PTPRM: variants seen among roughly 807,000 people sequenced by gnomAD.
PTPRM encodes the protein protein tyrosine phosphatase receptor type M, also known as receptor-type tyrosine-protein phosphatase mu.
PTPRM carries 47 observed loss-of-function variants against 186.7 expected under a neutral mutation model. That is an observed-to-expected ratio of 0.25 (90% CI 0.20 to 0.32). The LOEUF (loss-of-function observed/expected upper bound fraction) is 0.32, where lower values mean the gene tolerates loss of function less well. Ranked by LOEUF, PTPRM falls within the 10% of genes least tolerant of loss-of-function variation. The pLI is 1.00. For missense variants in PTPRM, 1,494 were observed against 1,865.0 expected, an observed-to-expected ratio of 0.80 and a Z score of 3.66; for synonymous variants, 668 against 674.9, an observed-to-expected ratio of 0.99 and a Z score of 0.16.
At chr18:8,387,463 G>A (rs8091394) in intron 31 of PTPRM, among the ~76,000 whole-genome samples, 13 of 149,742 alleles carry the variant, frequency 8.7e-5, no homozygotes, top group South Asian at 4.2e-4. Context: ...AGCACTGACC[G>A]TTTCATTAGG....
intron 13 of PTPRM, among the ~76,000 whole-genome samples, chr18:8,115,355 ACT>A (rs1293933217): frequency 6.6e-6 from 1 of 152,072 alleles, no homozygotes; most frequent in East Asian, 1.9e-4. Context: ...CCTGGTTAAA[ACT>A]CTCTGAGAGA....
At chr18:8,393,412 C>T (rs975984538) in intron 31 of PTPRM, among the ~76,000 whole-genome samples, 1 of 152,186 alleles carries the variant, frequency 6.6e-6, no homozygotes, top group South Asian at 2.1e-4. Context: ...TCTTTATATT[C>T]TACAAATCAC....
chr18:7,946,347 G>T (rs2097212017), intron 5 of PTPRM, among the ~76,000 whole-genome samples: 1 of 152,184 alleles, frequency 6.6e-6, no homozygotes, highest in South Asian at 2.1e-4. Flanking sequence ...CAAGTAAATA[G>T]ATAAATAAAT....
intron 32 of PTPRM, among the ~76,000 whole-genome samples, chr18:8,401,649 G>A (rs1053488818): frequency 6.6e-6 from 1 of 152,194 alleles, no homozygotes; most frequent in Non-Finnish European, 1.5e-5. Context: ...AAGTGCCCAC[G>A]CTGGCCGCCA....
chr18:8,380,504 C>T lies in PTPRM; in HGVS notation c.3918+77C>T, dbSNP rs1443031417. The T allele has an allele frequency of 7.8e-6, 12 of 1,548,184 alleles. No individual in the cohort carries two copies. The African/African-American group carries it at 9.5e-5, about 12-fold the overall frequency. On this transcript the variant is annotated intron_variant, in intron 29 of 32. Transcript: ENST00000580170. Reference sequence around the variant, plus strand: ...TTTTTACACTGAGTTTGTTTGCACCCGAGAAGTGCAGGCCCTAGTGCCAGA... The same window carrying T: ...TTTTTACACTGAGTTTGTTTGCACCTGAGAAGTGCAGGCCCTAGTGCCAGA...
At chr18:7,727,472 T>G (rs2040573639) in intron 1 of PTPRM, among the ~76,000 whole-genome samples, 1 of 152,238 alleles carries the variant, frequency 6.6e-6, no homozygotes, top group African/African-American at 2.4e-5. Flanking sequence ...AAATTTTTGC[T>G]TAGTTGTGCA....
intron 23 of PTPRM, among the ~76,000 whole-genome samples, chr18:8,365,192 C>G (rs551468971): frequency 6.6e-6 from 1 of 152,336 alleles, no homozygotes; most frequent in East Asian, 1.9e-4. Context: ...CCAAAGGGCC[C>G]TGTAGCTGGA....
chr18:7,628,600 A>G (rs766115195), intron 1 of PTPRM, among the ~76,000 whole-genome samples: 2 of 152,238 alleles, frequency 1.3e-5, no homozygotes, highest in Non-Finnish European at 2.9e-5. Flanking sequence ...AAGGAAAACT[A>G]AGCTTGAATT....
intron 22 of PTPRM, among the ~76,000 whole-genome samples, chr18:8,331,894 TAGC>T (rs1326949569): frequency 6.6e-6 from 1 of 152,236 alleles, no homozygotes; most frequent in Non-Finnish European, 1.5e-5. Flanking sequence ...GCAGCCTTGA[TAGC>T]AGCGCCAGCT....
intron 2 of PTPRM, among the ~76,000 whole-genome samples, chr18:7,809,444 G>A (rs532525817): frequency 3.3e-5 from 5 of 152,002 alleles, no homozygotes; most frequent in South Asian, 2.1e-4. Flanking sequence ...TGCTGGGACC[G>A]CTCTTCTCCC....
At position 8,377,980 on chromosome 18, in the gene PTPRM, A is replaced by G. The variant is rs117151896; in HGVS notation, c.3463-285A>G. 6.1e-5 allele frequency: 17 copies of G among 277,690 alleles called. No homozygotes were observed. In the East Asian group the frequency reaches 1.0e-3, roughly 17 times the overall value. The allele number at this position is 277,690 out of a possible 1,614,324, so 17.2% of individuals were successfully genotyped here. The stretch of plus-strand genomic sequence containing the variant: ...AAATTCTGCTCATTCCTCATGTGAA[A>G]TACTGAGTTCCAAGTGAGTAGGATC... On this transcript the variant is annotated intron_variant, in intron 26 of 32. Coordinates refer to ENST00000580170, the MANE Select transcript of PTPRM (RefSeq NM_001105244.2).
At chr18:8,051,425 C>T (rs561630240) in intron 7 of PTPRM, among the ~76,000 whole-genome samples, 5 of 152,334 alleles carry the variant, frequency 3.3e-5, no homozygotes, top group African/African-American at 1.2e-4. Context: ...TAACTGTAGT[C>T]TTCTGCTCAT....
intron 7 of PTPRM, among the ~76,000 whole-genome samples, chr18:7,961,686 C>T (rs1232039183): frequency 6.6e-6 from 1 of 152,204 alleles, no homozygotes; most frequent in Non-Finnish European, 1.5e-5. Context: ...ATCCCATCCA[C>T]AGCTAGCCTG....
intron 30 of PTPRM, among the ~76,000 whole-genome samples, 164 bp downstream of exon 30, chr18:8,384,850 A>C (rs586931): frequency 0.22 from 33,872 of 152,146 alleles, 4,730 homozygotes; most frequent in Non-Finnish European, 0.31. Context: ...TTACATTCTA[A>C]TAGGAGCAGT....
At chr18:8,373,102 A>G (rs1460344211) in intron 24 of PTPRM, among the ~76,000 whole-genome samples, 1 of 152,240 alleles carries the variant, frequency 6.6e-6, no homozygotes, top group Non-Finnish European at 1.5e-5. Context: ...GGAAATCAAA[A>G]TGACACATTA....
At chr18:8,037,085 G>A (rs2086380894) in intron 7 of PTPRM, among the ~76,000 whole-genome samples, 1 of 152,134 alleles carries the variant, frequency 6.6e-6, no homozygotes, top group South Asian at 2.1e-4. Context: ...GAATGATCTG[G>A]TGTTGTTTAT....
intron 2 of PTPRM, among the ~76,000 whole-genome samples, chr18:7,793,127 T>G (rs946299016): frequency 2.0e-5 from 3 of 152,212 alleles, no homozygotes; most frequent in African/African-American, 7.2e-5. Flanking sequence ...CACAGTTTGA[T>G]GGCATTTGGC....
At chr18:8,175,010 C>A (rs907803165) in intron 14 of PTPRM, among the ~76,000 whole-genome samples, 1 of 152,204 alleles carries the variant, frequency 6.6e-6, no homozygotes, top group African/African-American at 2.4e-5. Flanking sequence ...TTCTGGCTGA[C>A]ACTGTTTACA....
chr18:7,841,999 A>G (rs1408924776), intron 2 of PTPRM, among the ~76,000 whole-genome samples: 4 of 151,586 alleles, frequency 2.6e-5, no homozygotes, highest in Admixed American at 2.6e-4. Context: ...TCAGAGGCTT[A>G]CTTAGTATGA....
Sources: gnomAD v4.1 joint callset for allele counts (sites outside exome capture counted in the v4.1 genomes callset) on GRCh38, gnomAD v4.1.1 for gene constraint, MANE v1.5 for transcripts, NCBI Gene and HGNC (gene_info 2026-07-23, HGNC 2026-07-21) for gene names.